The following SPATA7 variants were observed in gnomAD, a reference collection of about 807,000 sequenced individuals.
SPATA7 encodes the protein spermatogenesis associated 7.
A neutral mutation model predicts 51.8 loss-of-function variants in SPATA7; 43 were observed. The ratio of observed to expected loss-of-function variants is 0.83; its 90% CI spans 0.65 to 1.07. SPATA7 has a LOEUF of 1.07. Among genes scored for constraint, SPATA7 ranks in the 50% least tolerant of loss-of-function variants. The pLI is 0.00. For missense variants in SPATA7, 683 were observed against 701.3 expected, an observed-to-expected ratio of 0.97 and a Z score of 0.30; for synonymous variants, 230 against 252.8, an observed-to-expected ratio of 0.91 and a Z score of 0.86.
In SPATA7 at chr14:88,469,524, A is replaced by G. The variant is rs1256097705; in HGVS notation, c.255-323A>G. On this transcript the variant is annotated intron_variant, in intron 4 of 4. Transcript: ENST00000556406. The surrounding 1 kb of genome is among the most constrained non-coding windows in gnomAD (Gnocchi z 4.3). ...ATAAAAATCCCTTGAGGTCTTCTGG[A>G]CAGCCATGTTCAGGCCAGTCTGTGT... 1 of 1,614,068 alleles carries G rather than the reference A, an allele frequency of 6.2e-7. No individual in the cohort carries two copies.
rs2076399714 is a variant in SPATA7 at position 88,413,671 on chromosome 14, G to A, written c.239-3040G>A. Among the ~76,000 whole-genome samples the A allele has an allele frequency of 3.3e-5, 5 of 151,808 alleles. No individual in the cohort carries two copies. In the South Asian group the frequency reaches 1.0e-3, roughly 32 times the overall value. ...GCTTTTGCTCATTCAGTATGATGTT[G>A]GCTGTGGACTTGTAATAGATGGCTC... On this transcript the variant is annotated intron_variant, in intron 4 of 11. Coordinates refer to ENST00000393545, the MANE Select transcript of SPATA7 (RefSeq NM_018418.5).
chr14:88,417,942 G>A (rs1036142135), intron 5 of SPATA7, among the ~76,000 whole-genome samples: 2 of 152,086 alleles, frequency 1.3e-5, no homozygotes, highest in Non-Finnish European at 2.9e-5. Context: ...TAGGCCTAAA[G>A]TATTTTTTAT....
chr14:88,461,334 C>T (rs2077316402), intron 4 of SPATA7, among the ~76,000 whole-genome samples: 1 of 152,204 alleles, frequency 6.6e-6, no homozygotes, highest in Admixed American at 6.5e-5. Flanking sequence ...AGGCAGGCCT[C>T]CTTGAGCTGT....
At chr14:88,450,059 A>G (rs1246895428) in intron 3 of SPATA7, among the ~76,000 whole-genome samples, 1 of 152,006 alleles carries the variant, frequency 6.6e-6, no homozygotes, top group Admixed American at 6.6e-5. Flanking sequence ...GGAGGGTTGT[A>G]TATTTCCAGG....
chr14:88,433,253 TTAAA>T (rs1382027724), intron 10 of SPATA7, 41 bp downstream of exon 10: 2 of 1,326,424 alleles, frequency 1.5e-6, no homozygotes, highest in South Asian at 1.2e-5. Context: ...CAGGAGTACA[TTAAA>T]TATTCTTCAT....
intron 5 of SPATA7, among the ~76,000 whole-genome samples, chr14:88,424,498 C>T (rs73327421): frequency 0.035 from 5,377 of 152,180 alleles, 313 homozygotes; most frequent in African/African-American, 0.12. Context: ...TAACCATTAC[C>T]GATAACATTT....
At chr14:88,409,482 T>C (rs1380646534) in intron 4 of SPATA7, among the ~76,000 whole-genome samples, 2 of 152,218 alleles carry the variant, frequency 1.3e-5, no homozygotes, top group African/African-American at 4.8e-5. Flanking sequence ...TTCTCTATTT[T>C]CTTCTTTATT....
At chr14:88,454,406 C>G (rs990886569) in intron 3 of SPATA7, among the ~76,000 whole-genome samples, 5 of 152,186 alleles carry the variant, frequency 3.3e-5, no homozygotes, top group African/African-American at 4.8e-5. Context: ...TGCACAGTCC[C>G]TTTTGCCATG....
chr14:88,442,537 T>A (rs982068112), downstream of SPATA7, among the ~76,000 whole-genome samples: 2 of 152,192 alleles, frequency 1.3e-5, no homozygotes, highest in Admixed American at 1.3e-4. Context: ...ATCTGGTCTA[T>A]TCAGATGATC....
intron 1 of SPATA7, among the ~76,000 whole-genome samples, chr14:88,387,100 A>G (rs1364923568): frequency 6.6e-6 from 1 of 152,246 alleles, no homozygotes; most frequent in Non-Finnish European, 1.5e-5. Context: ...GCAAAAGATC[A>G]CAAATAACTT....
At chr14:88,397,573 G>A (rs190904180) in intron 4 of SPATA7, among the ~76,000 whole-genome samples, 110 of 151,428 alleles carry the variant, frequency 7.3e-4, no homozygotes, top group African/African-American at 2.3e-3. Flanking sequence ...AGCCAGGGAG[G>A]TCAAGGCTGC....
chr14:88,453,930 C>T (rs954440303), intron 3 of SPATA7, among the ~76,000 whole-genome samples: 1 of 152,096 alleles, frequency 6.6e-6, no homozygotes, highest in Admixed American at 6.6e-5. Flanking sequence ...AGCTTGTTGC[C>T]TTGTGCATTC....
intron 1 of SPATA7, among the ~76,000 whole-genome samples, chr14:88,386,699 C>T (rs908141431): frequency 6.6e-6 from 1 of 152,112 alleles, no homozygotes; most frequent in Non-Finnish European, 1.5e-5. Flanking sequence ...ATTCTTTCCT[C>T]GAGTCAAATG....
intron 4 of SPATA7, among the ~76,000 whole-genome samples, chr14:88,408,238 A>G (rs2076247994): frequency 2.0e-5 from 3 of 152,138 alleles, no homozygotes; most frequent in Admixed American, 1.3e-4. Flanking sequence ...CTTCCTATCC[A>G]TGAGCATGTA....
chr14:88,397,880 G>A (rs1007740228), intron 4 of SPATA7, among the ~76,000 whole-genome samples: 4 of 151,828 alleles, frequency 2.6e-5, no homozygotes, highest in African/African-American at 4.8e-5. Context: ...TCAGGAGATC[G>A]AGACCAACCT....
At position 88,426,576 on chromosome 14, in the gene SPATA7, A is replaced by G. The variant is rs1566779906; in HGVS notation, c.717A>G (p.Pro239=). 9 of 1,614,116 alleles carry G rather than the reference A, an allele frequency of 5.6e-6. No homozygotes were observed. Among genetic ancestry groups the G allele is most frequent in the African/African-American group, 2.7e-5 (2 of 75,038 alleles). Residue 239 remains proline, a synonymous_variant, in exon 6 of 12, where the codon CCA becomes CCG. Transcript: ENST00000393545. Reference sequence around the variant, plus strand: ...AACTCTTTTCTAACAAACAATTGCCATTCACTCCTCGCACTTTAAAAACAG... The same window carrying G: ...AACTCTTTTCTAACAAACAATTGCCGTTCACTCCTCGCACTTTAAAAACAG... The part of the protein sequence containing the change: ...HSELFSNKQL[P]FTPRTLKTEA...
intron 5 of SPATA7, among the ~76,000 whole-genome samples, chr14:88,418,347 T>A (rs2076543507): frequency 6.6e-6 from 1 of 152,232 alleles, no homozygotes. Context: ...TCTTTGCTAG[T>A]GTAAGCATTT....
rs760214171 is a variant in SPATA7 at position 88,426,575 on chromosome 14, C to T, written c.716C>T (p.Pro239Leu). Residue 239 changes from proline (P) to leucine (L), a missense_variant, in exon 6 of 12, where the codon CCA becomes CTA. Physicochemically the swap from Pro to Leu is moderately conservative, Grantham distance 98 (BLOSUM62 -3). Coordinates refer to ENST00000393545, the MANE Select transcript of SPATA7 (RefSeq NM_018418.5). ...HSELFSNKQL[P>L]FTPRTLKTEA... ...GAACTCTTTTCTAACAAACAATTGCCATTCACTCCTCGCACTTTAAAAACA... is the reference window on the plus strand; with the variant it reads ...GAACTCTTTTCTAACAAACAATTGCTATTCACTCCTCGCACTTTAAAAACA... The T allele has an allele frequency of 1.6e-5, 26 of 1,613,988 alleles. No individual in the cohort carries two copies. Among genetic ancestry groups the T allele is most frequent in the Non-Finnish European group, 1.9e-5 (23 of 1,179,974 alleles).
intron 1 of SPATA7, among the ~76,000 whole-genome samples, chr14:88,390,134 T>C (rs1258338203): frequency 6.6e-6 from 1 of 152,256 alleles, no homozygotes. Context: ...ATTGTAAGGA[T>C]TAAATGAATT....
Sources: gnomAD v4.1 joint callset for allele counts (sites outside exome capture counted in the v4.1 genomes callset) on GRCh38, gnomAD v4.1.1 for gene constraint, Gnocchi (gnomAD v3.1) non-coding constraint, MANE v1.5 for transcripts, NCBI Gene and HGNC (gene_info 2026-07-23, HGNC 2026-07-21) for gene names.